PKHD1: variants seen among roughly 807,000 people sequenced by gnomAD.
PKHD1 encodes PKHD1 ciliary IPT domain containing fibrocystin/polyductin, also known as fibrocystin.
PKHD1 carries 291 observed loss-of-function variants against 412.0 expected under a neutral mutation model. That is an observed-to-expected ratio of 0.71 (90% CI 0.64 to 0.78). The LOEUF (loss-of-function observed/expected upper bound fraction) is 0.78. Among genes scored for constraint, PKHD1 ranks in the 30% least tolerant of loss-of-function variants. The pLI is 0.00. For missense variants in PKHD1, 4,825 were observed against 4,950.7 expected (o/e 0.97, Z 0.76); for synonymous variants, 1,777 against 1,821.5 (o/e 0.98, Z 0.62).
chr6:51,855,945 T>C lies in PKHD1; in HGVS notation c.7859A>G (p.Gln2620Arg), dbSNP rs771221293. 8.7e-6 allele frequency: 14 copies of C among 1,613,924 alleles called. No homozygotes were observed. The highest frequency in any genetic ancestry group is 1.2e-5 in the Non-Finnish European group (14 of 1,179,880). ...CTCAGATTGCAATGAGTAGGTCTCT[T>C]GGTCCAAGAGCAGAGCCATCCAGCC... ...PRGWMALLLD[Q>R]ETYSLQSENL... The change falls in exon 49 of 67, where the codon CAA becomes CGA. Residue 2620 changes from glutamine to arginine, a missense_variant. By Grantham distance (43) the Gln-to-Arg change is conservative (BLOSUM62 1). Transcript: ENST00000371117.
At chr6:51,784,018 C>T (rs990615918) in intron 53 of PKHD1, among the ~76,000 whole-genome samples, 3 of 152,136 alleles carry the variant, frequency 2.0e-5, no homozygotes, top group Non-Finnish European at 1.5e-5. Context: ...CTTATATATA[C>T]ATTGTCAGTC....
chr6:51,855,900 G>T lies in PKHD1; in HGVS notation c.7904C>A (p.Ser2635Tyr), dbSNP rs144300382. 7 of 1,612,356 alleles carry T rather than the reference G, an allele frequency of 4.3e-6. No homozygotes were observed. The African/African-American group carries it at 8.0e-5, about 18-fold the overall frequency. The stretch of plus-strand genomic sequence containing the variant: ...ATGGATTCCTTGGGTTACCTGCAGA[G>T]ATCTGTTGATCCAAAGGTTCTCAGA... ...LQSENLWINR[S>Y]LQYSATFDNF... Residue 2635 changes from serine to tyrosine, a missense_variant, in exon 49 of 67, where the codon TCT becomes TAT. By Grantham distance (144) the Ser-to-Tyr change is moderately radical. Coordinates refer to ENST00000371117, the MANE Select transcript of PKHD1 (RefSeq NM_138694.4).
At position 52,028,338 on chromosome 6, in the gene PKHD1, C is replaced by G; in HGVS notation, c.3378G>C (p.Leu1126=). The G allele has an allele frequency of 6.2e-7, 1 of 1,613,646 alleles. No individual in the cohort carries two copies. Among genetic ancestry groups the G allele is most frequent in the Non-Finnish European group, 8.5e-7 (1 of 1,179,972 alleles). The change falls in exon 30 of 67, where the codon CTG becomes CTC. Residue 1126 remains leucine (L), a synonymous_variant. Coordinates refer to ENST00000371117, the MANE Select transcript of PKHD1 (RefSeq NM_138694.4). ...TCATCAGCCTCGCCACTCCAATGACCAGGGTCTCACCGCCTGTGTTGAGAA... is the reference window on the plus strand; with the variant it reads ...TCATCAGCCTCGCCACTCCAATGACGAGGGTCTCACCGCCTGTGTTGAGAA... ...NISNIAGGET[L]VIGVARLMNY...
intron 60 of PKHD1, chr6:51,721,537 C>T (rs896743195): frequency 6.1e-6 from 6 of 988,028 alleles, no homozygotes; most frequent in African/African-American, 1.7e-5. Flanking sequence ...ATCTCCAAAG[C>T]TCTAATTCCA....
intron 33 of PKHD1, 115 bp from the exon 34 acceptor site, chr6:52,017,744 C>T: frequency 1.3e-6 from 1 of 780,594 alleles, no homozygotes; most frequent in Non-Finnish European, 2.2e-6. Context: ...ATGAAGTTAG[C>T]AGTTTACTTT....
chr6:51,732,742 T>A (rs1251557644), intron 60 of PKHD1, among the ~76,000 whole-genome samples: 1 of 152,168 alleles, frequency 6.6e-6, no homozygotes. Flanking sequence ...CCACAAAAGG[T>A]TGAAAATAGA....
chr6:51,766,558 ATT>A (rs913156643), intron 55 of PKHD1, among the ~76,000 whole-genome samples: 1 of 151,492 alleles, frequency 6.6e-6, no homozygotes, highest in African/African-American at 2.4e-5. Flanking sequence ...AGCAAGATGT[ATT>A]TTTTTTGTGG....
At chr6:51,742,392 G>T (rs953507381) in intron 60 of PKHD1, among the ~76,000 whole-genome samples, 2 of 152,134 alleles carry the variant, frequency 1.3e-5, no homozygotes, top group African/African-American at 4.8e-5. Flanking sequence ...ATTCAAGCAT[G>T]AAATTTTATG....
At chr6:52,004,857 C>T (rs1282670718) in intron 35 of PKHD1, among the ~76,000 whole-genome samples, 2 of 152,130 alleles carry the variant, frequency 1.3e-5, no homozygotes, top group East Asian at 1.9e-4. Flanking sequence ...ACCTTAGAGG[C>T]TATGTTCACT....
chr6:51,735,520 G>A (rs1339305064), intron 60 of PKHD1, among the ~76,000 whole-genome samples: 4 of 152,190 alleles, frequency 2.6e-5, no homozygotes, highest in Non-Finnish European at 5.9e-5. Context: ...TGTGGACAGA[G>A]CTTTGTATGC....
At chr6:51,656,439 C>A (rs1771866372) in intron 61 of PKHD1, among the ~76,000 whole-genome samples, 1 of 152,024 alleles carries the variant, frequency 6.6e-6, no homozygotes, top group African/African-American at 2.4e-5. Flanking sequence ...AGCAAACCAC[C>A]ATGCCACATG....
intron 36 of PKHD1, among the ~76,000 whole-genome samples, chr6:51,958,462 A>G (rs1195332760): frequency 6.6e-6 from 1 of 152,080 alleles, no homozygotes. Flanking sequence ...CCTTTCTCCT[A>G]CACTTTTCTC....
chr6:51,955,174 GT>G (rs1265674791), intron 36 of PKHD1, among the ~76,000 whole-genome samples: 11 of 151,248 alleles, frequency 7.3e-5, no homozygotes, highest in African/African-American at 2.4e-4. Context: ...TCTCTTTTGT[GT>G]TTAACGGTGC....
At chr6:51,667,743 C>T (rs1321697675) in intron 60 of PKHD1, among the ~76,000 whole-genome samples, 9 of 148,998 alleles carry the variant, frequency 6.0e-5, no homozygotes, top group Non-Finnish European at 1.3e-4. Flanking sequence ...GGAAGGGATC[C>T]AGTTTCAGCT....
At chr6:51,961,185 A>G (rs1791972510) in intron 35 of PKHD1, among the ~76,000 whole-genome samples, 1 of 152,108 alleles carries the variant, frequency 6.6e-6, no homozygotes, top group African/African-American at 2.4e-5. Flanking sequence ...TGTAATACCG[A>G]CAACTACACC....
In PKHD1 at chr6:52,025,947, C is replaced by A. The variant is rs773863446; in HGVS notation, c.3863G>T (p.Gly1288Val). 3.1e-6 allele frequency: 5 copies of A among 1,614,024 alleles called. No individual in the cohort carries two copies. The highest frequency in any genetic ancestry group is 3.4e-6 in the Non-Finnish European group (4 of 1,180,044). ...FARGPSPSLV[G>V]KGFTFMYEAA... ...TTCATACATGAAGGTGAAGCCTTTC[C>A]CCACCAAGCTTGGTGAAGGACCACG... is the stretch of plus-strand genomic sequence containing the variant. Residue 1288 changes from glycine (G) to valine (V), a missense_variant, in exon 32 of 67, where the codon GGG (glycine) becomes GTG (valine). By Grantham distance (109) the Gly-to-Val change is moderately radical. Transcript: ENST00000371117.
At chr6:51,919,552 T>C (rs2145327) in intron 37 of PKHD1, among the ~76,000 whole-genome samples, 46,918 of 152,024 alleles carry the variant, frequency 0.31, 8,687 homozygotes, top group East Asian at 0.74. Context: ...TCGTTTGAAG[T>C]CAGGTAGCAT....
At chr6:51,994,831 C>T (rs1301806888) in intron 35 of PKHD1, among the ~76,000 whole-genome samples, 1 of 152,122 alleles carries the variant, frequency 6.6e-6, no homozygotes, top group East Asian at 1.9e-4. Flanking sequence ...GATCCAACTG[C>T]CTCAGCCTCC....
At chr6:51,762,842 T>A (rs1215334077) in intron 55 of PKHD1, among the ~76,000 whole-genome samples, 1 of 152,048 alleles carries the variant, frequency 6.6e-6, no homozygotes, top group African/African-American at 2.4e-5. Context: ...CGTACCAATA[T>A]CAACTTGCCA....
Sources: gnomAD v4.1 joint callset for allele counts (sites outside exome capture counted in the v4.1 genomes callset) on GRCh38, gnomAD v4.1.1 for gene constraint, MANE v1.5 for transcripts, NCBI Gene and HGNC (gene_info 2026-07-23, HGNC 2026-07-21) for gene names.